HNF4A: variants seen among roughly 807,000 people sequenced by gnomAD.
HNF4A encodes the protein hepatocyte nuclear factor 4 alpha.
A neutral mutation model predicts 52.4 loss-of-function variants in HNF4A; 15 were observed. That is an observed-to-expected ratio of 0.29 (90% confidence interval 0.19 to 0.44). The LOEUF (loss-of-function observed/expected upper bound fraction) is 0.44, where lower values mean the gene tolerates loss of function less well. HNF4A is among the 20% of genes least tolerant of loss of function. The probability of loss-of-function intolerance (pLI) is 1.00; values close to 1 mark genes in which losing one functional copy is unlikely to be tolerated. For missense variants in HNF4A, 479 were observed against 647.2 expected (o/e 0.74, Z 2.82); for synonymous variants, 280 against 264.4 (o/e 1.06, Z -0.57).
rs150780623 is a variant in HNF4A, at chr20:44,396,066, G to A, written c.50-9992G>A. ...ACCAGCTCCAGTGCCTTAGAATTCC[G>A]AAGTCCTTTCAGGGATTCCAGGAGT... On this transcript the variant is annotated intron_variant, in intron 1 of 9. Coordinates refer to the HNF4A transcript ENST00000316673. 9.7e-4 allele frequency among the ~76,000 whole-genome samples: 147 copies of A among 152,244 alleles called. 1 individual carries two copies. The highest frequency in any genetic ancestry group is 3.4e-3 in the Middle Eastern group (1 of 294).
intron 8 of HNF4A, 101 bp downstream of exon 8, chr20:44,424,355 G>A: frequency 6.4e-7 from 1 of 1,555,316 alleles, no homozygotes; most frequent in Non-Finnish European, 8.7e-7. Context: ...CTTCCCCACT[G>A]TGCCGCTTTG....
chr20:44,389,007 A>T (rs1219540922), intron 1 of HNF4A, among the ~76,000 whole-genome samples: 1 of 152,214 alleles, frequency 6.6e-6, no homozygotes, highest in Non-Finnish European at 1.5e-5. Context: ...TGTGGAGTCT[A>T]TCAAGTGAGA....
intron 1 of HNF4A, among the ~76,000 whole-genome samples, chr20:44,403,744 C>T (rs2063442803): frequency 2.0e-5 from 3 of 152,124 alleles, no homozygotes; most frequent in Non-Finnish European, 2.9e-5. Context: ...CTCTGCTTCA[C>T]GGGAAGCAGT....
intron 8 of HNF4A, among the ~76,000 whole-genome samples, 156 bp from the exon 9 acceptor site, chr20:44,428,179 G>A (rs1180495529): frequency 6.6e-6 from 1 of 152,110 alleles, no homozygotes; most frequent in Non-Finnish European, 1.5e-5. Flanking sequence ...GATGGGAATG[G>A]TACACCCTAG....
intron 1 of HNF4A, chr20:44,390,827 G>A (rs1259723944): frequency 3.1e-5 from 19 of 608,350 alleles, no homozygotes; most frequent in Non-Finnish European, 5.6e-5. Context: ...GGCCCTGATG[G>A]GTGAATGACG....
upstream of HNF4A, among the ~76,000 whole-genome samples, chr20:44,398,122 G>T (rs980913892): frequency 6.6e-6 from 1 of 152,174 alleles, no homozygotes; most frequent in Admixed American, 6.6e-5. Flanking sequence ...ACCAAAGTGT[G>T]CTTATTTCAG....
chr20:44,357,146 C>T (rs1322168885), intron 1 of HNF4A, among the ~76,000 whole-genome samples: 1 of 152,050 alleles, frequency 6.6e-6, no homozygotes, highest in Non-Finnish European at 1.5e-5. Flanking sequence ...TTGCTTTGAC[C>T]CCCATCAAAC....
At chr20:44,417,768 T>C (rs994474843) in intron 5 of HNF4A, among the ~76,000 whole-genome samples, 2 of 151,502 alleles carry the variant, frequency 1.3e-5, no homozygotes, top group Non-Finnish European at 2.9e-5. Flanking sequence ...AGGTCAGGAG[T>C]TCGAGATCAG....
chr20:44,355,821 C>A (rs1051122101), exon 1 of HNF4A: 1 of 1,613,586 alleles, frequency 6.2e-7, no homozygotes, highest in Non-Finnish European at 8.5e-7. Flanking sequence ...AGCGTGAACG[C>A]GCCCCTCGGG....
intron 1 of HNF4A, among the ~76,000 whole-genome samples, chr20:44,368,525 A>G (rs923870213): frequency 6.6e-6 from 1 of 151,966 alleles, no homozygotes; most frequent in Non-Finnish European, 1.5e-5. Context: ...AATTTTCTGT[A>G]TCATTCTGGG....
downstream of HNF4A, chr20:44,432,951 T>G (rs188653247): frequency 6.6e-6 from 1 of 152,206 alleles, no homozygotes; most frequent in East Asian, 1.9e-4. Flanking sequence ...TGAGAATAGT[T>G]TTATAGTTCT....
chr20:44,401,324 G>C lies in HNF4A; in HGVS notation c.-49G>C, dbSNP rs748958106. On this transcript the variant is annotated 5_prime_UTR_variant, in exon 1 of 10. Transcript: ENST00000316099. ...GAGGGCGGAGGGCGGGGGCCTTCGGGGTGGGCGCCCAGGGTAGGGCAGGTG... is the reference window on the plus strand; with the variant it reads ...GAGGGCGGAGGGCGGGGGCCTTCGGCGTGGGCGCCCAGGGTAGGGCAGGTG... The C allele has an allele frequency of 6.2e-7, 1 of 1,612,902 alleles. No individual in the cohort carries two copies. Among genetic ancestry groups the C allele is most frequent in the Admixed American group, 1.7e-5 (1 of 60,014 alleles).
At chr20:44,388,502 G>A (rs1311170981) in intron 1 of HNF4A, among the ~76,000 whole-genome samples, 1 of 151,726 alleles carries the variant, frequency 6.6e-6, no homozygotes, top group African/African-American at 2.4e-5. Flanking sequence ...GTGGCCATGT[G>A]CTGGTGTGTG....
At chr20:44,372,130 A>C (rs1308528612) in intron 1 of HNF4A, among the ~76,000 whole-genome samples, 1 of 152,184 alleles carries the variant, frequency 6.6e-6, no homozygotes, top group Non-Finnish European at 1.5e-5. Flanking sequence ...ACCCCTGATC[A>C]CTGAGACCAA....
chr20:44,394,879 C>T (rs1363742561), intron 1 of HNF4A, among the ~76,000 whole-genome samples: 1 of 152,212 alleles, frequency 6.6e-6, no homozygotes, highest in African/African-American at 2.4e-5. Context: ...TGATTAGCAG[C>T]TGGGTAAGTT....
chr20:44,401,644 A>T (rs2063411151), intron 1 of HNF4A: 1 of 469,204 alleles, frequency 2.1e-6, no homozygotes, highest in African/African-American at 2.1e-5. Flanking sequence ...AGTGAAGCCC[A>T]TGTGCCCAGG....
intron 1 of HNF4A, among the ~76,000 whole-genome samples, chr20:44,358,144 A>T (rs6130593): frequency 0.18 from 26,670 of 147,150 alleles, 2,509 homozygotes; most frequent in Middle Eastern, 0.26. Context: ...AAAAAAAAAC[A>T]AAACAAAAAA....
intron 1 of HNF4A, among the ~76,000 whole-genome samples, chr20:44,381,279 C>CCTTTTT (rs1322191179): frequency 9.1e-6 from 1 of 110,130 alleles, no homozygotes; most frequent in African/African-American, 3.6e-5. Flanking sequence ...TCAGTGAGAG[C>CCTTTTT]TTTTTTTTTT....
At chr20:44,422,851 GTAT>G (rs1423222438) in intron 7 of HNF4A, among the ~76,000 whole-genome samples, 1 of 151,058 alleles carries the variant, frequency 6.6e-6, no homozygotes, top group East Asian at 2.0e-4. Flanking sequence ...GTGAATTTTT[GTAT>G]TATCAGTAGA....
Sources: gnomAD v4.1 joint callset for allele counts (sites outside exome capture counted in the v4.1 genomes callset) on GRCh38, gnomAD v4.1.1 for gene constraint, MANE v1.5 for transcripts, NCBI Gene and HGNC (gene_info 2026-07-23, HGNC 2026-07-21) for gene names.